The following ALG12 variants were observed in gnomAD, a reference collection of about 807,000 sequenced individuals.
The protein encoded by ALG12 is dol-P-Man:Man(7)GlcNAc(2)-PP-Dol alpha-1,6-mannosyltransferase.
In ALG12, 36 loss-of-function variants were observed where a neutral mutation model predicts 46.0. That is an observed-to-expected ratio of 0.78 (90% confidence interval 0.60 to 1.03). The LOEUF (loss-of-function observed/expected upper bound fraction) is 1.03, where lower values mean the gene tolerates loss of function less well. Among genes scored for constraint, ALG12 ranks in the 50% least tolerant of loss-of-function variants. The pLI is 0.00. For missense variants in ALG12, 599 were observed against 633.5 expected (o/e 0.95, Z 0.58); for synonymous variants, 326 against 291.6 (o/e 1.12, Z -1.20).
downstream of ALG12, among the ~76,000 whole-genome samples, chr22:49,895,423 G>A (rs1213646763): frequency 2.0e-5 from 3 of 151,970 alleles, no homozygotes; most frequent in Admixed American, 6.6e-5. Flanking sequence ...AGGCCGAGGT[G>A]GGTGGATCAC....
At chr22:49,887,109 C>T in the ALG12 span, 1 of 1,612,998 alleles carries the variant, frequency 6.2e-7, no homozygotes, top group Non-Finnish European at 8.5e-7. Context: ...AATCCAGGCT[C>T]ATGATGGAAC....
intron 3 of ALG12, among the ~76,000 whole-genome samples, chr22:49,912,730 G>C (rs1210070526): frequency 1.3e-5 from 2 of 152,210 alleles, no homozygotes; most frequent in Non-Finnish European, 2.9e-5. Context: ...GACTGGGCGT[G>C]GTGGCTCATG....
chr22:49,859,507 A>C, the ALG12 span, among the ~76,000 whole-genome samples: 2 of 151,970 alleles, frequency 1.3e-5, no homozygotes, highest in Admixed American at 1.3e-4. Flanking sequence ...GCTCACGGTG[A>C]TGTCTTTCCC....
At position 49,910,043 on chromosome 22, in the gene ALG12, A is replaced by G. The variant is rs750224359; in HGVS notation, c.515T>C (p.Phe172Ser). The change falls in exon 5 of 10, where the codon TTC becomes TCC. Residue 172 changes from phenylalanine to serine, a missense_variant. Coordinates refer to ENST00000330817, the MANE Select transcript of ALG12 (RefSeq NM_024105.4). ...GATGGCGAAGGCTGACAGCCAGATGAAGCGGGCCCACTCGTGCCGCAGCCA... is the reference window on the plus strand; with the variant it reads ...GATGGCGAAGGCTGACAGCCAGATGGAGCGGGCCCACTCGTGCCGCAGCCA... ...AAWLRHEWAR[F>S]IWLSAFAIIV... is the part of the protein sequence containing the mutation. The G allele has an allele frequency of 1.2e-6, 2 of 1,613,148 alleles. No homozygotes were observed. Among genetic ancestry groups the G allele is most frequent in the Non-Finnish European group, 1.7e-6 (2 of 1,179,842 alleles).
chr22:49,883,417 A>G, the ALG12 span: 1 of 409,016 alleles, frequency 2.4e-6, no homozygotes. Flanking sequence ...TCTGCTGCAC[A>G]CATTGTTGTC....
At chr22:49,916,159 A>G (rs566005716) in intron 1 of ALG12, among the ~76,000 whole-genome samples, 4 of 152,246 alleles carry the variant, frequency 2.6e-5, no homozygotes, top group South Asian at 4.1e-4. Context: ...AGGCTGAGGC[A>G]GGAGAATGGT....
Position 49,905,177 on chromosome 22 carries a change from C to T in ALG12, c.993-671G>A, listed in dbSNP as rs1027910297. Among the ~76,000 whole-genome samples, 2 of 152,198 alleles carry T rather than the reference C, an allele frequency of 1.3e-5. No homozygotes were observed. The highest frequency in any genetic ancestry group is 2.9e-5 in the Non-Finnish European group (2 of 68,032). On this transcript the variant is annotated intron_variant, in intron 7 of 9. Coordinates refer to ENST00000330817, the MANE Select transcript of ALG12 (RefSeq NM_024105.4). This position sits in a 1 kb window ranked among gnomAD's most constrained non-coding sequence, Gnocchi z 4.9. Reference sequence around the variant, plus strand: ...TTCTCTCACAATCGACTATGCCAATCTCAGGATCCTACGGCAGAGTTAGCA... The same window carrying T: ...TTCTCTCACAATCGACTATGCCAATTTCAGGATCCTACGGCAGAGTTAGCA...
rs776257312 is a variant in ALG12 at position 49,910,570 on chromosome 22, G to A, written c.333C>T (p.Leu111=). The A allele has an allele frequency of 8.7e-6, 14 of 1,614,148 alleles. No homozygotes were observed. The highest frequency in any genetic ancestry group is 3.3e-5 in the Admixed American group (2 of 60,028). The change falls in exon 4 of 10, where the codon CTC becomes CTT. Residue 111 remains leucine (L), a synonymous_variant. Coordinates refer to ENST00000330817, the MANE Select transcript of ALG12 (RefSeq NM_024105.4). Reference sequence around the variant, plus strand: ...GTCTCACTTCCTTTTGTAACGTCCAGAGTCCAAAAATCACGCCGAGTCCAA... The same window carrying A: ...GTCTCACTTCCTTTTGTAACGTCCAAAGTCCAAAAATCACGCCGAGTCCAA... The part of the protein sequence containing the change: ...GVLGLGVIFG[L]WTLQKEVRRH...
chr22:49,874,236 G>A, the ALG12 span, among the ~76,000 whole-genome samples: 1 of 152,182 alleles, frequency 6.6e-6, no homozygotes, highest in Non-Finnish European at 1.5e-5. Context: ...ACTGTTTCCC[G>A]GATGCGTCTC....
At chr22:49,881,567 C>T in the ALG12 span, among the ~76,000 whole-genome samples, 1 of 152,152 alleles carries the variant, frequency 6.6e-6, no homozygotes, top group Non-Finnish European at 1.5e-5. Context: ...TTTGTAAAGA[C>T]AGAGTTTCAC....
intron 1 of ALG12, among the ~76,000 whole-genome samples, chr22:49,916,834 T>C (rs2060612747): frequency 6.6e-6 from 1 of 152,248 alleles, no homozygotes; most frequent in African/African-American, 2.4e-5. Context: ...CGTGCCAAGA[T>C]GTGGGAGGTG....
the ALG12 span, among the ~76,000 whole-genome samples, chr22:49,872,402 A>AT: frequency 4.6e-5 from 7 of 152,046 alleles, no homozygotes; most frequent in African/African-American, 1.7e-4. Context: ...TTTCCACCAA[A>AT]TCTGCAGTCA....
rs535228708 is a variant in ALG12 at position 49,914,157 on chromosome 22, C to G, written c.-78-314G>C. Among the ~76,000 whole-genome samples, 7 of 152,326 alleles carry G rather than the reference C, an allele frequency of 4.6e-5. No individual in the cohort carries two copies. The South Asian group carries it at 8.3e-4, about 18-fold the overall frequency. ...AGGGTGGTAAATGGCCCCTGCCCCC[C>G]AGTCTAAATCTGGCAGGAGAGTCAG... On this transcript the variant is annotated intron_variant, in intron 1 of 9. Transcript: ENST00000330817.
intron 1 of ALG12, among the ~76,000 whole-genome samples, chr22:49,915,271 G>T (rs1262788330): frequency 2.0e-5 from 3 of 152,136 alleles, no homozygotes; most frequent in Non-Finnish European, 4.4e-5. Context: ...TCTTTGGGAG[G>T]CTGAGGGCCA....
chr22:49,910,348 A>G, intron 4 of ALG12, 86 bp downstream of exon 4: 1 of 1,511,248 alleles, frequency 6.6e-7, no homozygotes, highest in Non-Finnish European at 9.0e-7. Context: ...ATTACGGGGG[A>G]GGCACTGCCA....
At position 49,910,091 on chromosome 22, in the gene ALG12, G is replaced by A. The variant is rs751546611; in HGVS notation, c.470-3C>T. ...CCAGGCCGCGAGGGCCAGCAGGACTGCAAGACAGTGCGGGAGGGTGCTCGT... is the reference window on the plus strand; with the variant it reads ...CCAGGCCGCGAGGGCCAGCAGGACTACAAGACAGTGCGGGAGGGTGCTCGT... On this transcript the variant is annotated splice_region_variant and splice_polypyrimidine_tract_variant and intron_variant, in intron 4 of 9. Transcript: ENST00000330817. The A allele has an allele frequency of 2.5e-6, 4 of 1,601,258 alleles. No individual in the cohort carries two copies. In the African/African-American group the frequency reaches 4.0e-5, roughly 16 times the overall value.
At chr22:49,917,977 G>A (rs2060624936) in intron 1 of ALG12, among the ~76,000 whole-genome samples, 2 of 141,272 alleles carry the variant, frequency 1.4e-5, no homozygotes, top group South Asian at 2.4e-4. Context: ...GGCCCCAGGT[G>A]AGAGGTCCAG....
At chr22:49,893,044 G>T in the ALG12 span, among the ~76,000 whole-genome samples, 2 of 152,276 alleles carry the variant, frequency 1.3e-5, no homozygotes, top group Admixed American at 1.3e-4. Flanking sequence ...ACACAACGAT[G>T]AATGAAGAAT....
chr22:49,885,521 C>T, the ALG12 span: 2 of 1,609,064 alleles, frequency 1.2e-6, no homozygotes, highest in Non-Finnish European at 1.7e-6. Flanking sequence ...TCGGAGACGG[C>T]TCGGCCCTCC....
Sources: gnomAD v4.1 joint callset for allele counts (sites outside exome capture counted in the v4.1 genomes callset) on GRCh38, gnomAD v4.1.1 for gene constraint, Gnocchi (gnomAD v3.1) non-coding constraint, MANE v1.5 for transcripts, NCBI Gene and HGNC (gene_info 2026-07-23, HGNC 2026-07-21) for gene names.